The following ANKRD33B variants were observed in gnomAD, a reference collection of about 807,000 sequenced individuals.
ANKRD33B encodes ankyrin repeat domain-containing protein 33B.
A neutral mutation model predicts 21.5 loss-of-function variants in ANKRD33B; 6 were observed. That is an observed-to-expected ratio of 0.28 (90% CI 0.15 to 0.55). The LOEUF is 0.55. ANKRD33B is among the 20% of genes least tolerant of loss of function. The pLI is 0.94. For synonymous variants in ANKRD33B, 347 were observed against 342.4 expected (o/e 1.01, Z -0.15); for missense variants, 698 against 747.2 (o/e 0.93, Z 0.77).
intron 1 of ANKRD33B, among the ~76,000 whole-genome samples, chr5:10,599,850 G>C (rs552680303): frequency 5.8e-4 from 88 of 152,294 alleles, no homozygotes; most frequent in African/African-American, 2.0e-3. Context: ...CATATACCTA[G>C]GAGTGGAATT....
At position 10,638,099 on chromosome 5, in the gene ANKRD33B, G is replaced by C; in HGVS notation, c.568G>C (p.Gly190Arg). ...GLDLERRNAF[G>R]FTALMKAAMQ... ...TGACCTTGAAAGGAGGAACGCGTTCGGGTTCACCGCCCTGATGAAAGCCGC... is the reference window on the plus strand; with the variant it reads ...TGACCTTGAAAGGAGGAACGCGTTCCGGTTCACCGCCCTGATGAAAGCCGC... The change falls in exon 3 of 4, where the codon GGG (glycine) becomes CGG (arginine). Residue 190 changes from glycine (G) to arginine (R), a missense_variant. This residue lies in a region of ANKRD33B where 543 missense variants were observed against 566.5 expected (regional missense o/e 0.96). Coordinates refer to ENST00000296657, the MANE Select transcript of ANKRD33B (RefSeq NM_001164440.2). The C allele has an allele frequency of 6.5e-7, 1 of 1,537,456 alleles. No individual in the cohort carries two copies. Among genetic ancestry groups the C allele is most frequent in the Non-Finnish European group, 8.7e-7 (1 of 1,146,930 alleles).
At chr5:10,617,369 G>A (rs6870735) in intron 1 of ANKRD33B, among the ~76,000 whole-genome samples, 2 of 152,170 alleles carry the variant, frequency 1.3e-5, no homozygotes, top group South Asian at 4.1e-4. Context: ...ACATCCTGTC[G>A]CTCTCATTTG....
chr5:10,611,471 G>T (rs1469495878), intron 1 of ANKRD33B, among the ~76,000 whole-genome samples: 1 of 152,092 alleles, frequency 6.6e-6, no homozygotes, highest in African/African-American at 2.4e-5. Context: ...CTGATCTGTG[G>T]TTAAGAGTTT....
chr5:10,573,467 C>CA (rs10706973), intron 1 of ANKRD33B, among the ~76,000 whole-genome samples: 15,523 of 100,022 alleles, frequency 0.16, 1,349 homozygotes, highest in East Asian at 0.31. Context: ...GACTCCGTCT[C>CA]AAAAAAAAAA....
Position 10,619,326 on chromosome 5 carries a change from T to C in ANKRD33B, c.496+864T>C. ...GGAAGCTTACACGGTTGTCGGGTTG[T>C]TGAGAATCCCACTCAGGGCCTGGAA... On this transcript the variant is annotated intron_variant, in intron 2 of 3. Coordinates refer to ENST00000296657, the MANE Select transcript of ANKRD33B (RefSeq NM_001164440.2). This position sits in a 1 kb window ranked among gnomAD's most constrained non-coding sequence, Gnocchi z 4.5. The C allele has an allele frequency of 1.0e-6, 1 of 985,418 alleles. No individual in the cohort carries two copies. Among genetic ancestry groups the C allele is most frequent in the Non-Finnish European group, 1.2e-6 (1 of 829,924 alleles). 61.0% of individuals were successfully genotyped at this position (985,418 alleles called of 1,614,324 possible). A position where few individuals can be genotyped will look rare whatever the true frequency, so the allele number is the denominator to read the frequency against.
chr5:10,653,275 C>G lies in ANKRD33B; in HGVS notation c.*3162C>G, dbSNP rs1023692977. On this transcript the variant is annotated 3_prime_UTR_variant, in exon 4 of 4. Coordinates refer to ENST00000296657, the MANE Select transcript of ANKRD33B (RefSeq NM_001164440.2). ...TTTTTGCCATGTGGAAGCAGATTTGCTAGTAGAGGAATTTTCCAAGTCAAG... is the reference window on the plus strand; with the variant it reads ...TTTTTGCCATGTGGAAGCAGATTTGGTAGTAGAGGAATTTTCCAAGTCAAG... The G allele has an allele frequency of 1.3e-5, 2 of 152,398 alleles. No individual in the cohort carries two copies. The highest frequency in any genetic ancestry group is 4.8e-5 in the African/African-American group (2 of 41,440). The allele number at this position is 152,398 out of a possible 1,614,324, so 9.4% of individuals were successfully genotyped here.
At chr5:10,648,700 G>A (rs1424028380) in intron 3 of ANKRD33B, among the ~76,000 whole-genome samples, 1 of 151,934 alleles carries the variant, frequency 6.6e-6, no homozygotes, top group Admixed American at 6.6e-5. Flanking sequence ...CAGAGGTTGC[G>A]GTGAACGGAG....
chr5:10,616,526 T>G (rs1208596517), intron 1 of ANKRD33B, among the ~76,000 whole-genome samples: 2 of 143,294 alleles, frequency 1.4e-5, no homozygotes, highest in Non-Finnish European at 3.0e-5. Flanking sequence ...ATCGCACCAT[T>G]GCACTCTAGC....
At chr5:10,636,729 G>A (rs1488143368) in intron 2 of ANKRD33B, among the ~76,000 whole-genome samples, 1 of 152,236 alleles carries the variant, frequency 6.6e-6, no homozygotes, top group African/African-American at 2.4e-5. Flanking sequence ...TCATCAGCAG[G>A]GGCCTGGATG....
rs183969440 is a variant in ANKRD33B, at chr5:10,624,794, G to A, written c.496+6332G>A. 542 of 456,788 alleles carry A rather than the reference G, an allele frequency of 1.2e-3. 3 individuals carry two copies. Among genetic ancestry groups the A allele is most frequent in the Admixed American group, 2.1e-3 (90 of 42,590 alleles). 28.3% of individuals were successfully genotyped at this position (456,788 alleles called of 1,614,324 possible). A position where few individuals can be genotyped will look rare whatever the true frequency, so the allele number is the denominator to read the frequency against. ...TCCCAATCTTGCGCCTCCGGCGTCA[G>A]CATCACCTGGGCTGGCTCATGTGAG... On this transcript the variant is annotated intron_variant, in intron 2 of 3. Transcript: ENST00000296657.
At chr5:10,579,499 A>T (rs1381819436) in intron 1 of ANKRD33B, among the ~76,000 whole-genome samples, 1 of 152,168 alleles carries the variant, frequency 6.6e-6, no homozygotes, top group Non-Finnish European at 1.5e-5. Context: ...AGTTTTTAAA[A>T]TTTCTGAATA....
intron 2 of ANKRD33B, among the ~76,000 whole-genome samples, chr5:10,636,869 C>T (rs1293999611): frequency 6.6e-6 from 1 of 152,218 alleles, no homozygotes; most frequent in Non-Finnish European, 1.5e-5. Context: ...GGTGTTCTTG[C>T]CCCACCGATG....
At chr5:10,603,845 C>G (rs1735982246) in intron 1 of ANKRD33B, among the ~76,000 whole-genome samples, 1 of 151,010 alleles carries the variant, frequency 6.6e-6, no homozygotes, top group South Asian at 2.1e-4. Context: ...AAGATTATAC[C>G]ATAGAAAAAT....
intron 1 of ANKRD33B, among the ~76,000 whole-genome samples, chr5:10,584,610 G>T (rs1312102556): frequency 6.6e-6 from 1 of 152,082 alleles, no homozygotes; most frequent in Admixed American, 6.6e-5. Context: ...TCTTGATTCA[G>T]CATGAAGTTG....
At chr5:10,617,877 T>A (rs750656790) in intron 1 of ANKRD33B, among the ~76,000 whole-genome samples, 3 of 152,218 alleles carry the variant, frequency 2.0e-5, no homozygotes, top group Non-Finnish European at 4.4e-5. Context: ...TCTGTGTCCC[T>A]GTGGCCCACT....
At chr5:10,638,231 GA>G in intron 3 of ANKRD33B, 63 bp downstream of exon 3, 2 of 1,503,176 alleles carry the variant, frequency 1.3e-6, no homozygotes, top group Non-Finnish European at 1.8e-6. Flanking sequence ...CTCCTTTATG[GA>G]ATATGTTTTG....
At chr5:10,583,946 AACCCC>A (rs536587337) in intron 1 of ANKRD33B, among the ~76,000 whole-genome samples, 11 of 152,204 alleles carry the variant, frequency 7.2e-5, no homozygotes, top group Non-Finnish European at 1.6e-4. Flanking sequence ...TGAGGAGATT[AACCCC>A]AGGAGGCATG....
chr5:10,614,492 A>C (rs1736241099), intron 1 of ANKRD33B, among the ~76,000 whole-genome samples: 1 of 152,152 alleles, frequency 6.6e-6, no homozygotes, highest in South Asian at 2.1e-4. Context: ...GCTGGTCTCA[A>C]ACTCCTGGCC....
At chr5:10,596,043 C>T (rs1735810385) in intron 1 of ANKRD33B, among the ~76,000 whole-genome samples, 1 of 152,186 alleles carries the variant, frequency 6.6e-6, no homozygotes, top group Admixed American at 6.5e-5. Flanking sequence ...TTGTTTTTGG[C>T]ATAAGCCGAA....
Sources: gnomAD v4.1 joint callset for allele counts (sites outside exome capture counted in the v4.1 genomes callset) on GRCh38, gnomAD v4.1.1 for gene constraint, gnomAD v4.1.1 regional missense constraint, Gnocchi (gnomAD v3.1) non-coding constraint, MANE v1.5 for transcripts, NCBI Gene and HGNC (gene_info 2026-07-23, HGNC 2026-07-21) for gene names.